DLAT: variants seen among roughly 807,000 people sequenced by gnomAD.
The protein encoded by DLAT is dihydrolipoyllysine-residue acetyltransferase component of pyruvate dehydrogenase complex, mitochondrial.
A neutral mutation model predicts 68.0 loss-of-function variants in DLAT; 43 were observed. That is an observed-to-expected ratio of 0.63 (90% confidence interval 0.50 to 0.81). The LOEUF (loss-of-function observed/expected upper bound fraction) is 0.81, where lower values mean the gene tolerates loss of function less well. Ranked by LOEUF, DLAT falls within the 40% of genes least tolerant of loss-of-function variation. The probability of loss-of-function intolerance (pLI) is 0.00; values close to 1 mark genes in which losing one functional copy is unlikely to be tolerated. For synonymous variants in DLAT, 265 were observed against 288.6 expected (o/e 0.92, Z 0.83); for missense variants, 745 against 815.4 (o/e 0.91, Z 1.05).
intron 7 of DLAT, among the ~76,000 whole-genome samples, chr11:112,039,679 A>G (rs1263318071): frequency 2.0e-5 from 3 of 152,050 alleles, no homozygotes; most frequent in African/African-American, 7.2e-5. Context: ...TGGTGAAAGT[A>G]TATGTAAAAT....
intron 11 of DLAT, among the ~76,000 whole-genome samples, chr11:112,054,168 T>A (rs904701294): frequency 2.0e-5 from 3 of 148,340 alleles, no homozygotes; most frequent in South Asian, 4.2e-4. Context: ...AAAAAAAAAA[T>A]AGCTAGGTAT....
chr11:112,047,856 T>G (rs1171149777), intron 10 of DLAT, among the ~76,000 whole-genome samples: 1 of 152,224 alleles, frequency 6.6e-6, no homozygotes, highest in Non-Finnish European at 1.5e-5. Context: ...CATGCTGTTT[T>G]GGTTACTGTA....
At chr11:112,054,919 G>A (rs1036620246) in intron 11 of DLAT, among the ~76,000 whole-genome samples, 2 of 152,116 alleles carry the variant, frequency 1.3e-5, no homozygotes, top group Non-Finnish European at 2.9e-5. Flanking sequence ...CTTCTCCTCT[G>A]TGTCTGTATT....
In DLAT at chr11:112,039,300, C is replaced by T; in HGVS notation, c.1032C>T (p.Cys344=). The change falls in exon 7 of 14, where the codon TGC becomes TGT. Residue 344 remains cysteine (C), a synonymous_variant. Transcript: ENST00000280346. ...QPLAPTPSAP[C]PATPAGPKGR... is the part of the protein sequence containing the mutation. Reference sequence around the variant, plus strand: ...TAGCTCCTACACCTTCAGCACCCTGCCCAGCTACTCCTGCTGGACCAAAGG... The same window carrying T: ...TAGCTCCTACACCTTCAGCACCCTGTCCAGCTACTCCTGCTGGACCAAAGG... The T allele has an allele frequency of 6.2e-7, 1 of 1,614,120 alleles. No homozygotes were observed. The highest frequency in any genetic ancestry group is 8.5e-7 in the Non-Finnish European group (1 of 1,180,022).
chr11:112,061,311 T>G, intron 13 of DLAT, 137 bp downstream of exon 13: 1 of 847,498 alleles, frequency 1.2e-6, no homozygotes, highest in Non-Finnish European at 2.0e-6. Flanking sequence ...CCTGATATGA[T>G]ATGATGTAAT....
chr11:112,033,500 G>T lies in DLAT; in HGVS notation c.757G>T (p.Ala253Ser), dbSNP rs746422062. The part of the protein sequence containing the change: ...GEKLSEGDLL[A>S]EIETDKATIG... ...GAAGCTAAGTGAAGGAGACTTACTG[G>T]CAGAGATAGAAACTGACAAAGCCAC... Residue 253 changes from alanine to serine, a missense_variant, in exon 5 of 14, where the codon GCA becomes TCA. By Grantham distance (99) the Ala-to-Ser change is moderately conservative (BLOSUM62 1). Transcript: ENST00000280346. The T allele has an allele frequency of 3.3e-5, 54 of 1,613,752 alleles. No homozygotes were observed. The highest frequency in any genetic ancestry group is 4.2e-5 in the Non-Finnish European group (50 of 1,179,894).
intron 7 of DLAT, among the ~76,000 whole-genome samples, chr11:112,040,449 T>C (rs1862993299): frequency 6.6e-6 from 1 of 152,198 alleles, no homozygotes; most frequent in Non-Finnish European, 1.5e-5. Context: ...CTCTAAAGCC[T>C]GTTTCTTCAC....
At chr11:112,062,353 T>C (rs1298727865) in intron 13 of DLAT, 53 bp from the exon 14 acceptor site, 1 of 1,603,372 alleles carries the variant, frequency 6.2e-7, no homozygotes, top group African/African-American at 1.3e-5. Context: ...GGTTACTGGC[T>C]GAAATGCAGT....
At chr11:112,031,906 T>G (rs1555179992) in intron 4 of DLAT, among the ~76,000 whole-genome samples, 1 of 131,898 alleles carries the variant, frequency 7.6e-6, no homozygotes. Context: ...TTTTTTTTTT[T>G]TTTTTTTTTG....
intron 7 of DLAT, among the ~76,000 whole-genome samples, chr11:112,040,923 T>TAA (rs60065215): frequency 1.9e-3 from 278 of 144,156 alleles, no homozygotes; most frequent in African/African-American, 6.6e-3. Context: ...AGAGGAGTGT[T>TAA]AAAAAAAAAA....
intron 11 of DLAT, among the ~76,000 whole-genome samples, chr11:112,057,529 A>C (rs1039358330): frequency 3.3e-5 from 5 of 152,232 alleles, no homozygotes; most frequent in Non-Finnish European, 5.9e-5. Flanking sequence ...CTTGTTGCTG[A>C]TACGGAGAAA....
At chr11:112,042,554 G>T (rs1279919942) in intron 7 of DLAT, among the ~76,000 whole-genome samples, 3 of 152,170 alleles carry the variant, frequency 2.0e-5, no homozygotes, top group Non-Finnish European at 4.4e-5. Context: ...TGCCTTGGGG[G>T]AAGATGAATC....
chr11:112,040,993 A>G (rs1863026166), intron 7 of DLAT, among the ~76,000 whole-genome samples: 1 of 151,884 alleles, frequency 6.6e-6, no homozygotes, highest in Admixed American at 6.6e-5. Context: ...GATAAATATC[A>G]TCGACTGCTA....
At chr11:112,055,135 C>T (rs587702728) in intron 11 of DLAT, among the ~76,000 whole-genome samples, 1 of 151,942 alleles carries the variant, frequency 6.6e-6, no homozygotes, top group Admixed American at 6.5e-5. Context: ...TTCCTGTTTT[C>T]AGCATTATTC....
At chr11:112,058,185 G>A (rs956978268) in intron 11 of DLAT, among the ~76,000 whole-genome samples, 4 of 152,136 alleles carry the variant, frequency 2.6e-5, no homozygotes, top group Non-Finnish European at 5.9e-5. Context: ...CTGTTTACTG[G>A]ATTCAGTGGT....
intron 1 of DLAT, among the ~76,000 whole-genome samples, 185 bp from the exon 2 acceptor site, chr11:112,026,013 G>A (rs1235598432): frequency 6.6e-6 from 1 of 152,206 alleles, no homozygotes; most frequent in African/African-American, 2.4e-5. Context: ...GGACTGTGGA[G>A]GAGAAAGCCT....
intron 10 of DLAT, among the ~76,000 whole-genome samples, chr11:112,050,549 T>C (rs1204012659): frequency 6.6e-6 from 1 of 152,214 alleles, no homozygotes; most frequent in Non-Finnish European, 1.5e-5. Flanking sequence ...TTCAATCTCT[T>C]TGTTAGTTAT....
chr11:112,039,342 C>T lies in DLAT; in HGVS notation c.1074C>T (p.Ser358=), dbSNP rs1555180815. ...GACCAAAGGGAAGGGTGTTTGTTAGCCCTCTTGCAAAGAAGTTGGCAGTAG... is the reference window on the plus strand; with the variant it reads ...GACCAAAGGGAAGGGTGTTTGTTAGTCCTCTTGCAAAGAAGTTGGCAGTAG... ...PAGPKGRVFV[S]PLAKKLAVEK... Residue 358 remains serine, a synonymous_variant, in exon 7 of 14, where the codon AGC becomes AGT. Transcript: ENST00000280346. 1 of 1,614,028 alleles carries T rather than the reference C, an allele frequency of 6.2e-7. No individual in the cohort carries two copies. The highest frequency in any genetic ancestry group is 1.7e-5 in the Admixed American group (1 of 60,006).
intron 7 of DLAT, among the ~76,000 whole-genome samples, chr11:112,039,722 CCT>C (rs1201325415): frequency 6.6e-6 from 1 of 151,892 alleles, no homozygotes; most frequent in Non-Finnish European, 1.5e-5. Flanking sequence ...TAATAAGAAA[CCT>C]CTGTTAGTGC....
Sources: allele counts gnomAD v4.1 joint callset (sites outside exome capture counted in the v4.1 genomes callset), GRCh38; gene constraint gnomAD v4.1.1; transcripts MANE v1.5; gene names NCBI Gene and HGNC (gene_info 2026-07-23, HGNC 2026-07-21).